The following COL4A4 variants were observed in gnomAD, a reference collection of about 807,000 sequenced individuals.
COL4A4 encodes collagen type IV alpha 4 chain.
Under a neutral mutation model 192.9 loss-of-function variants are expected in COL4A4, and 105 were observed. That is an observed-to-expected ratio of 0.54 (90% CI 0.46 to 0.64). COL4A4 has a LOEUF of 0.64. Ranked by LOEUF, COL4A4 falls within the 30% of genes least tolerant of loss-of-function variation. COL4A4 has a pLI of 0.00. For synonymous variants in COL4A4, 762 were observed against 769.9 expected (o/e 0.99, Z 0.17); for missense variants, 1,967 against 2,169.3 (o/e 0.91, Z 1.85).
At chr2:227,087,740 T>C (rs1488647670) in intron 22 of COL4A4, among the ~76,000 whole-genome samples, 1 of 152,172 alleles carries the variant, frequency 6.6e-6, no homozygotes, top group Non-Finnish European at 1.5e-5. Context: ...GAGTGATCCA[T>C]TTAAAACTAT....
chr2:227,024,878 G>A (rs1187000495), intron 43 of COL4A4, among the ~76,000 whole-genome samples: 2 of 152,232 alleles, frequency 1.3e-5, no homozygotes, highest in East Asian at 3.8e-4. Context: ...TGGGAACGGA[G>A]TTCAGAAAGT....
At chr2:227,120,772 T>A (rs2061730810) in intron 5 of COL4A4, 1 of 459,858 alleles carries the variant, frequency 2.2e-6, no homozygotes. Context: ...ACCCCATCTC[T>A]ACTAAAAAAT....
chr2:227,087,933 C>T (rs115261373), intron 22 of COL4A4, among the ~76,000 whole-genome samples: 1,558 of 152,176 alleles, frequency 0.01, 11 homozygotes, highest in Non-Finnish European at 0.018. Flanking sequence ...ATGGTGATGG[C>T]GTTTATCACC....
At chr2:227,134,842 C>T (rs985822818) in intron 4 of COL4A4, among the ~76,000 whole-genome samples, 1 of 152,208 alleles carries the variant, frequency 6.6e-6, no homozygotes, top group African/African-American at 2.4e-5. Flanking sequence ...TGTAAAACCA[C>T]CACATCATAA....
intron 1 of COL4A4, among the ~76,000 whole-genome samples, chr2:227,157,863 C>G (rs369917269): frequency 6.6e-6 from 1 of 151,990 alleles, no homozygotes; most frequent in Non-Finnish European, 1.5e-5. Context: ...TTTATATCCT[C>G]TTTCTGAATA....
At position 227,025,493 on chromosome 2, in the gene COL4A4, C is replaced by T. The variant is rs16823063; in HGVS notation, c.4090+309G>A. Among the ~76,000 whole-genome samples the T allele has an allele frequency of 0.015, 2,280 of 152,304 alleles. 59 individuals are homozygous for T. The highest frequency in any genetic ancestry group is 0.052 in the African/African-American group (2,164 of 41,564). On this transcript the variant is annotated intron_variant, in intron 43 of 47. Transcript: ENST00000396625. ...TTGTAGAATTTAAAAAAGGAACTTA[C>T]ATTGGTTATGTACTATATAGCCTTT... is the stretch of plus-strand genomic sequence containing the variant.
At chr2:227,070,361 A>G (rs1205977631) in intron 25 of COL4A4, among the ~76,000 whole-genome samples, 1 of 152,150 alleles carries the variant, frequency 6.6e-6, no homozygotes, top group Non-Finnish European at 1.5e-5. Context: ...CAGCCATCCC[A>G]TTACTGGGTA....
chr2:227,066,580 G>T (rs1321392351), intron 25 of COL4A4, among the ~76,000 whole-genome samples: 4 of 151,922 alleles, frequency 2.6e-5, no homozygotes, highest in African/African-American at 4.8e-5. Context: ...TCAAAGAAAA[G>T]AATTTTCAAC....
At chr2:227,145,731 C>A (rs1395009226) in intron 2 of COL4A4, among the ~76,000 whole-genome samples, 1 of 152,132 alleles carries the variant, frequency 6.6e-6, no homozygotes, top group Admixed American at 6.6e-5. Flanking sequence ...TCCTCTTTTG[C>A]TGAGATGCCG....
At chr2:227,000,168 G>A (rs192754162), downstream of COL4A4, among the ~76,000 whole-genome samples, 52 of 152,208 alleles carry the variant, frequency 3.4e-4, no homozygotes, top group African/African-American at 1.2e-3. Flanking sequence ...TCAGACTCTC[G>A]TTATAGAGGA....
At chr2:226,987,922 C>T in the COL4A4 span, among the ~76,000 whole-genome samples, 4 of 152,160 alleles carry the variant, frequency 2.6e-5, no homozygotes, top group African/African-American at 9.7e-5. Flanking sequence ...TCTGTGCACA[C>T]TTCAGATTAA....
At chr2:227,067,583 A>T (rs1275054949) in intron 25 of COL4A4, among the ~76,000 whole-genome samples, 3 of 152,168 alleles carry the variant, frequency 2.0e-5, no homozygotes, top group Non-Finnish European at 4.4e-5. Flanking sequence ...CCACTCAACT[A>T]CATGGAAACT....
intron 1 of COL4A4, among the ~76,000 whole-genome samples, chr2:227,152,826 G>A (rs1181422898): frequency 1.3e-5 from 2 of 152,264 alleles, no homozygotes; most frequent in Middle Eastern, 3.4e-3. Context: ...CGAATGAATA[G>A]GTGTCATCAT....
At chr2:227,147,633 T>C in intron 1 of COL4A4, 49 bp from the exon 2 acceptor site, 1 of 675,352 alleles carries the variant, frequency 1.5e-6, no homozygotes, top group Non-Finnish European at 2.6e-6. Flanking sequence ...ATTATAATGT[T>C]GAAAATAATT....
chr2:227,153,231 T>C (rs1002466619), intron 1 of COL4A4, among the ~76,000 whole-genome samples: 3 of 152,222 alleles, frequency 2.0e-5, no homozygotes, highest in East Asian at 1.9e-4. Context: ...GAGCTACAAT[T>C]TAAAATGAGG....
chr2:227,117,453 T>C (rs1399067259), intron 7 of COL4A4, among the ~76,000 whole-genome samples: 1 of 152,190 alleles, frequency 6.6e-6, no homozygotes, highest in African/African-American at 2.4e-5. Context: ...GATGTTCTTA[T>C]TTGATACCAG....
rs529426634 is a variant in COL4A4, at chr2:227,119,142, A to G, written c.373-381T>C. Among the ~76,000 whole-genome samples the G allele has an allele frequency of 6.6e-5, 10 of 152,146 alleles. No homozygotes were observed. In the East Asian group the frequency reaches 1.9e-3, roughly 29 times the overall value. ...TTAGGACTCATCAGCAAATAAAAAC[A>G]TTCCTTATGAGTATGCATTAATTTC... On this transcript the variant is annotated intron_variant, in intron 6 of 47. Coordinates refer to ENST00000396625, the MANE Select transcript of COL4A4 (RefSeq NM_000092.5).
At chr2:227,120,069 T>C in intron 5 of COL4A4, 130 bp from the exon 6 acceptor site, 1 of 621,646 alleles carries the variant, frequency 1.6e-6, no homozygotes, top group Non-Finnish European at 2.5e-6. Context: ...ATTTTTTACA[T>C]GATGAGTCTA....
At chr2:227,130,442 T>G (rs1045158221) in intron 4 of COL4A4, among the ~76,000 whole-genome samples, 2 of 152,188 alleles carry the variant, frequency 1.3e-5, no homozygotes, top group Non-Finnish European at 2.9e-5. Context: ...GCTCCCTGAC[T>G]AGCTCTAACC....
Sources: gnomAD v4.1 joint callset for allele counts (sites outside exome capture counted in the v4.1 genomes callset) on GRCh38, gnomAD v4.1.1 for gene constraint, MANE v1.5 for transcripts, NCBI Gene and HGNC (gene_info 2026-07-23, HGNC 2026-07-21) for gene names.